Variants in DUSP22 observed in about 807,000 individuals in gnomAD.
The protein encoded by DUSP22 is dual specificity protein phosphatase 22.
Under a neutral mutation model 24.5 loss-of-function variants are expected in DUSP22, and 24 were observed. The ratio of observed to expected loss-of-function variants is 0.98; its 90% CI spans 0.71 to 1.38. DUSP22 has a LOEUF of 1.38. Ranked by LOEUF, DUSP22 falls within the 40% of genes most tolerant of loss-of-function variation. The pLI is 0.00. For missense variants in DUSP22, 330 were observed against 269.2 expected, an observed-to-expected ratio of 1.23 and a Z score of -1.58; for synonymous variants, 160 against 106.4, an observed-to-expected ratio of 1.50 and a Z score of -3.10.
chr6:324,473 G>A (rs1175277534), intron 3 of DUSP22, among the ~76,000 whole-genome samples: 7 of 152,306 alleles, frequency 4.6e-5, no homozygotes, highest in African/African-American at 1.7e-4. Flanking sequence ...CTGCATAACA[G>A]AGGGGTGTCC....
intron 4 of DUSP22, among the ~76,000 whole-genome samples, chr6:344,509 C>A (rs1468038044): frequency 1.3e-5 from 2 of 152,420 alleles, no homozygotes; most frequent in Admixed American, 6.5e-5. Flanking sequence ...CGGCTGGTCT[C>A]AAATTCCTGA....
At chr6:329,315 T>C (rs974919156) in intron 3 of DUSP22, among the ~76,000 whole-genome samples, 5 of 152,302 alleles carry the variant, frequency 3.3e-5, no homozygotes, top group African/African-American at 1.2e-4. Context: ...CTGCGAGGAA[T>C]GAGGAGTTAT....
chr6:317,346 A>G (rs1356190151), intron 3 of DUSP22, among the ~76,000 whole-genome samples: 3 of 152,300 alleles, frequency 2.0e-5, no homozygotes, highest in Non-Finnish European at 4.4e-5. Flanking sequence ...TTTCTCTTGA[A>G]CAAAAGTTTT....
At chr6:340,532 T>C (rs1342563314) in intron 4 of DUSP22, among the ~76,000 whole-genome samples, 1 of 152,306 alleles carries the variant, frequency 6.6e-6, no homozygotes. Context: ...CAAAAACTTT[T>C]TTTTCTAAGC....
At chr6:331,557 A>G (rs531810865) in intron 3 of DUSP22, among the ~76,000 whole-genome samples, 2 of 152,420 alleles carry the variant, frequency 1.3e-5, no homozygotes, top group East Asian at 3.9e-4. Context: ...ATTTGGTGAA[A>G]CCATCTATTC....
intron 5 of DUSP22, among the ~76,000 whole-genome samples, chr6:347,422 C>A (rs1169208735): frequency 6.6e-6 from 1 of 152,308 alleles, no homozygotes; most frequent in African/African-American, 2.4e-5. Flanking sequence ...CTCTCTAAGT[C>A]TGATGAAGCA....
At chr6:346,736 A>C (rs921500322) in intron 5 of DUSP22, among the ~76,000 whole-genome samples, 4 of 152,306 alleles carry the variant, frequency 2.6e-5, no homozygotes, top group Non-Finnish European at 2.9e-5. Context: ...GTCTTTTGAC[A>C]TTCCCCGAAA....
At chr6:341,849 G>A (rs568372285) in intron 4 of DUSP22, among the ~76,000 whole-genome samples, 6 of 152,422 alleles carry the variant, frequency 3.9e-5, no homozygotes, top group African/African-American at 4.8e-5. Context: ...TCCTTCACAC[G>A]CCCACTCGGC....
chr6:348,705 A>C, intron 6 of DUSP22, 64 bp from the exon 7 acceptor site: 1 of 1,602,478 alleles, frequency 6.2e-7, no homozygotes, highest in Non-Finnish European at 8.5e-7. Context: ...CACAGGTGCA[A>C]GCCCACGTGG....
intron 4 of DUSP22, among the ~76,000 whole-genome samples, chr6:335,718 G>T (rs1268557230): frequency 2.0e-5 from 3 of 152,306 alleles, no homozygotes; most frequent in Non-Finnish European, 1.5e-5. Flanking sequence ...GAAGTCTGGG[G>T]GCTCTGGCGT....
chr6:349,229 G>A lies in DUSP22; in HGVS notation c.*278G>A, dbSNP rs1490013373. ...CGTGCGTGTGTGTGAGTGCACTTGT[G>A]TGTGGGTGACTAAGTGGATGCATGT... On this transcript the variant is annotated 3_prime_UTR_variant, in exon 7 of 7. Transcript: ENST00000419235. 2 of 1,376,600 alleles carry A rather than the reference G, an allele frequency of 1.5e-6. No homozygotes were observed. Among genetic ancestry groups the A allele is most frequent in the African/African-American group, 2.9e-5 (2 of 69,040 alleles). 85.3% of individuals were successfully genotyped at this position (1,376,600 alleles called of 1,614,324 possible).
At chr6:304,169 G>A (rs569765583) in intron 1 of DUSP22, among the ~76,000 whole-genome samples, 2 of 152,424 alleles carry the variant, frequency 1.3e-5, no homozygotes, top group African/African-American at 4.8e-5. Flanking sequence ...GGGACATAGA[G>A]GGCTACTGTC....
In DUSP22 at chr6:351,024, C is replaced by A; in HGVS notation, c.*2073C>A. 9.0e-7 allele frequency: 1 copy of A among 1,114,006 alleles called. No individual in the cohort carries two copies. The highest frequency in any genetic ancestry group is 1.3e-6 in the Non-Finnish European group (1 of 764,374). 69.0% of individuals were successfully genotyped at this position (1,114,006 alleles called of 1,614,324 possible). ...TACGTAGTCATGTTTATGTTGAGAA[C>A]TAAGGATATTCTTTAGCAAGAGAAA... On this transcript the variant is annotated 3_prime_UTR_variant, in exon 7 of 7. Transcript: ENST00000419235.
At chr6:323,607 C>G (rs555872389) in intron 3 of DUSP22, among the ~76,000 whole-genome samples, 1 of 152,298 alleles carries the variant, frequency 6.6e-6, no homozygotes, top group Non-Finnish European at 1.5e-5. Flanking sequence ...AAGGAGAGGA[C>G]GCGGGGAAGT....
At chr6:311,142 T>G (rs896314976) in intron 2 of DUSP22, among the ~76,000 whole-genome samples, 6 of 152,292 alleles carry the variant, frequency 3.9e-5, no homozygotes, top group Non-Finnish European at 8.8e-5. Flanking sequence ...AGAAATAACA[T>G]TGGTTAGTGC....
intron 1 of DUSP22, among the ~76,000 whole-genome samples, chr6:298,412 G>T (rs2797317): frequency 0.97 from 147,560 of 152,394 alleles, 71,367 homozygotes; most frequent in East Asian, 1. Flanking sequence ...CATGGCCTTG[G>T]GCAGCTGCTT....
intron 3 of DUSP22, among the ~76,000 whole-genome samples, chr6:326,659 G>C (rs1376121024): frequency 1.3e-5 from 2 of 152,306 alleles, no homozygotes; most frequent in African/African-American, 4.8e-5. Flanking sequence ...AGAGTCACTG[G>C]CAAATCCTGT....
chr6:299,810 C>T (rs915391021), intron 1 of DUSP22, among the ~76,000 whole-genome samples: 7 of 152,422 alleles, frequency 4.6e-5, no homozygotes, highest in Non-Finnish European at 5.9e-5. Context: ...CAGGTGTGGC[C>T]GGGCACCGTT....
chr6:330,168 A>G (rs1759077819), intron 3 of DUSP22, among the ~76,000 whole-genome samples: 1 of 152,306 alleles, frequency 6.6e-6, no homozygotes, highest in Admixed American at 6.5e-5. Flanking sequence ...CTGCTGCCGC[A>G]CAGGCTGAGA....
Sources: gnomAD v4.1 joint callset for allele counts (sites outside exome capture counted in the v4.1 genomes callset) on GRCh38, gnomAD v4.1.1 for gene constraint, MANE v1.5 for transcripts, NCBI Gene and HGNC (gene_info 2026-07-23, HGNC 2026-07-21) for gene names.